Variants in AHCYL2 observed in about 807,000 individuals in gnomAD.
The protein encoded by AHCYL2 is S-adenosylhomocysteine hydrolase-like protein 2.
AHCYL2 carries 28 observed loss-of-function variants against 81.4 expected under a neutral mutation model. The ratio of observed to expected loss-of-function variants is 0.34; its 90% CI spans 0.25 to 0.47. The LOEUF (loss-of-function observed/expected upper bound fraction) is 0.47, where lower values mean the gene tolerates loss of function less well. Among genes scored for constraint, AHCYL2 ranks in the 20% least tolerant of loss-of-function variants. The pLI is 1.00. For missense variants in AHCYL2, 551 were observed against 785.1 expected, an observed-to-expected ratio of 0.70 and a Z score of 3.56; for synonymous variants, 272 against 290.2, an observed-to-expected ratio of 0.94 and a Z score of 0.64.
At chr7:129,417,236 A>G (rs1458208012) in intron 12 of AHCYL2, among the ~76,000 whole-genome samples, 1 of 152,248 alleles carries the variant, frequency 6.6e-6, no homozygotes, top group Non-Finnish European at 1.5e-5. Context: ...GCCAGTACAC[A>G]TGCCCTCAGG....
chr7:129,405,238 A>G lies in AHCYL2; in HGVS notation c.1142+25A>G, dbSNP rs1447873928. On this transcript the variant is annotated intron_variant, in intron 8 of 16. Coordinates refer to ENST00000325006, the MANE Select transcript of AHCYL2 (RefSeq NM_015328.4). ...GGTAATGTTTATTATCTTTGAGATG[A>G]AGTTGTGATGTCCAGTTGAGATTCT... 3.2e-6 allele frequency: 5 copies of G among 1,542,986 alleles called. No homozygotes were observed. The African/African-American group carries it at 7.0e-5, about 21-fold the overall frequency.
chr7:129,344,573 C>T (rs1347038572), intron 1 of AHCYL2, among the ~76,000 whole-genome samples: 6 of 152,006 alleles, frequency 3.9e-5, no homozygotes, highest in Admixed American at 6.6e-5. Flanking sequence ...GTGGTTGCCT[C>T]GGGTTGTGAT....
At chr7:129,300,025 C>T (rs551227641) in intron 1 of AHCYL2, among the ~76,000 whole-genome samples, 1 of 152,084 alleles carries the variant, frequency 6.6e-6, no homozygotes, top group East Asian at 1.9e-4. Context: ...TTCGTGGGTA[C>T]ATAGTAGGTG....
chr7:129,408,919 G>C (rs976435625), intron 10 of AHCYL2, among the ~76,000 whole-genome samples: 14 of 152,192 alleles, frequency 9.2e-5, no homozygotes, highest in African/African-American at 2.4e-4. Context: ...AATAATATAA[G>C]AGTCTAAGAA....
At chr7:129,239,860 C>T (rs1794782048) in intron 1 of AHCYL2, among the ~76,000 whole-genome samples, 2 of 151,780 alleles carry the variant, frequency 1.3e-5, no homozygotes, top group Admixed American at 6.6e-5. Context: ...ATAACAGAAC[C>T]CCTGCCCCAC....
intron 1 of AHCYL2, among the ~76,000 whole-genome samples, chr7:129,253,026 G>A (rs762534376): frequency 1.1e-4 from 17 of 152,046 alleles, no homozygotes; most frequent in Admixed American, 2.0e-4. Context: ...GGCCAAGATG[G>A]TGAAACCCTG....
intron 1 of AHCYL2, among the ~76,000 whole-genome samples, chr7:129,250,206 GAGGCCACAGTC>G (rs980422728): frequency 2.6e-5 from 4 of 152,138 alleles, no homozygotes; most frequent in Non-Finnish European, 5.9e-5. Flanking sequence ...GGCTGAGTTC[GAGGCCACAGTC>G]AGCTATTATT....
At chr7:129,314,505 G>A (rs556443794) in intron 1 of AHCYL2, among the ~76,000 whole-genome samples, 26 of 152,240 alleles carry the variant, frequency 1.7e-4, no homozygotes, top group African/African-American at 5.5e-4. Context: ...CAAGAACAAG[G>A]CACCAATAGA....
intron 12 of AHCYL2, among the ~76,000 whole-genome samples, chr7:129,413,901 C>G (rs1048344981): frequency 6.6e-6 from 1 of 152,212 alleles, no homozygotes; most frequent in African/African-American, 2.4e-5. Context: ...TTGTCATCTT[C>G]TATTCAAGCT....
chr7:129,251,310 A>T (rs1401082127), intron 1 of AHCYL2, among the ~76,000 whole-genome samples: 2 of 132,620 alleles, frequency 1.5e-5, no homozygotes, highest in Non-Finnish European at 3.1e-5. Context: ...GCTGGCAGAT[A>T]GTAAAGATTT....
At chr7:129,263,718 A>C (rs1795720439) in intron 1 of AHCYL2, among the ~76,000 whole-genome samples, 1 of 152,230 alleles carries the variant, frequency 6.6e-6, no homozygotes, top group African/African-American at 2.4e-5. Flanking sequence ...GCATTTTAGC[A>C]AGATTACTTC....
chr7:129,404,863 G>A (rs1796224984), intron 7 of AHCYL2, among the ~76,000 whole-genome samples: 1 of 152,012 alleles, frequency 6.6e-6, no homozygotes, highest in African/African-American at 2.4e-5. Context: ...AAATTTAGAG[G>A]TGGGTCAAGG....
At chr7:129,362,970 G>A (rs967530228) in intron 1 of AHCYL2, among the ~76,000 whole-genome samples, 4 of 152,054 alleles carry the variant, frequency 2.6e-5, no homozygotes, top group Non-Finnish European at 2.9e-5. Context: ...TTGGCCCTAA[G>A]CACATACTCA....
intron 1 of AHCYL2, among the ~76,000 whole-genome samples, chr7:129,230,648 CT>C (rs1450273315): frequency 6.6e-6 from 1 of 150,842 alleles, no homozygotes; most frequent in Admixed American, 6.6e-5. Flanking sequence ...TCTTGGCTCA[CT>C]GCAACTTCTG....
At chr7:129,405,524 A>G (rs936037104) in intron 8 of AHCYL2, 8 of 356,800 alleles carry the variant, frequency 2.2e-5, no homozygotes, top group Non-Finnish European at 3.4e-5. Context: ...AAAAAAAAGG[A>G]AAAAAACCCT....
chr7:129,404,494 G>A (rs566040211), intron 7 of AHCYL2, among the ~76,000 whole-genome samples: 1 of 152,258 alleles, frequency 6.6e-6, no homozygotes, highest in East Asian at 1.9e-4. Context: ...GGCCAACGTG[G>A]TGAAACCCCG....
chr7:129,270,127 A>G (rs1795957022), intron 1 of AHCYL2, among the ~76,000 whole-genome samples: 1 of 152,210 alleles, frequency 6.6e-6, no homozygotes. Context: ...ACTATTAGGT[A>G]TATCTTAATA....
chr7:129,398,887 A>G (rs573847459), intron 5 of AHCYL2, among the ~76,000 whole-genome samples: 3 of 152,196 alleles, frequency 2.0e-5, no homozygotes, highest in Admixed American at 1.3e-4. Context: ...AGGAAAGTTC[A>G]GATTCCCACT....
intron 2 of AHCYL2, among the ~76,000 whole-genome samples, chr7:129,384,854 T>A (rs1220853683): frequency 6.6e-6 from 1 of 152,232 alleles, no homozygotes; most frequent in East Asian, 1.9e-4. Context: ...CAATGGATGC[T>A]TCAAGGCATT....
Sources: gnomAD v4.1 joint callset for allele counts (sites outside exome capture counted in the v4.1 genomes callset) on GRCh38, gnomAD v4.1.1 for gene constraint, MANE v1.5 for transcripts, NCBI Gene and HGNC (gene_info 2026-07-23, HGNC 2026-07-21) for gene names.